The following AP2B1 variants were observed in gnomAD, a reference collection of about 807,000 sequenced individuals.
AP2B1 encodes the protein AP-2 complex subunit beta.
Under a neutral mutation model 102.0 loss-of-function variants are expected in AP2B1, and 23 were observed. The observed-to-expected ratio is 0.23, with a 90% CI of 0.16 to 0.32. The LOEUF is 0.32. Ranked by LOEUF, AP2B1 falls within the 10% of genes least tolerant of loss-of-function variation. AP2B1 has a pLI of 1.00. For missense variants in AP2B1, 541 were observed against 1,157.4 expected, an observed-to-expected ratio of 0.47 and a Z score of 7.73; for synonymous variants, 381 against 421.2, an observed-to-expected ratio of 0.90 and a Z score of 1.17.
intron 20 of AP2B1, among the ~76,000 whole-genome samples, chr17:35,714,225 A>T (rs1313643423): frequency 1.3e-5 from 2 of 152,174 alleles, no homozygotes; most frequent in Admixed American, 6.5e-5. Context: ...GGCTCTCCCC[A>T]TCCTTTGGAA....
chr17:35,611,207 A>G (rs1236987494), intron 5 of AP2B1, among the ~76,000 whole-genome samples: 2 of 152,200 alleles, frequency 1.3e-5, no homozygotes, highest in Non-Finnish European at 2.9e-5. Context: ...ATAATTCTCT[A>G]CCTGAGGACA....
chr17:35,608,481 G>A (rs2073758874), intron 5 of AP2B1, 94 bp downstream of exon 5: 1 of 1,425,500 alleles, frequency 7.0e-7, no homozygotes, highest in East Asian at 2.3e-5. Flanking sequence ...GGAATACTGG[G>A]TTATGGGGTA....
intron 20 of AP2B1, among the ~76,000 whole-genome samples, chr17:35,714,807 A>G (rs2076520180): frequency 6.6e-6 from 1 of 152,244 alleles, no homozygotes; most frequent in Non-Finnish European, 1.5e-5. Context: ...ATGCTTTGGG[A>G]TAAATCTCAG....
chr17:35,692,933 T>C (rs1272982395), intron 18 of AP2B1, among the ~76,000 whole-genome samples: 1 of 152,114 alleles, frequency 6.6e-6, no homozygotes. Flanking sequence ...CTACTCTAAA[T>C]GACCCATTCT....
chr17:35,651,478 CTT>C (rs2142833469), intron 13 of AP2B1, among the ~76,000 whole-genome samples: 1 of 152,240 alleles, frequency 6.6e-6, no homozygotes, highest in Admixed American at 6.5e-5. Context: ...ATCTCAGAAT[CTT>C]TTCAGAATCT....
chr17:35,693,134 C>T (rs1403838622), intron 18 of AP2B1, among the ~76,000 whole-genome samples: 2 of 152,150 alleles, frequency 1.3e-5, no homozygotes, highest in African/African-American at 2.4e-5. Flanking sequence ...CCTCCTCCCT[C>T]AGCCTCCTAA....
At chr17:35,696,262 C>T (rs923984274) in intron 18 of AP2B1, among the ~76,000 whole-genome samples, 1 of 151,952 alleles carries the variant, frequency 6.6e-6, no homozygotes, top group Non-Finnish European at 1.5e-5. Context: ...GTCTCCATAT[C>T]GTATAGCTTA....
intron 9 of AP2B1, among the ~76,000 whole-genome samples, chr17:35,634,807 G>A (rs893475046): frequency 1.3e-5 from 2 of 152,128 alleles, no homozygotes; most frequent in African/African-American, 2.4e-5. Context: ...AAAATTTGGC[G>A]ATTTCATTTC....
chr17:35,637,247 C>T (rs1324935034), intron 10 of AP2B1, among the ~76,000 whole-genome samples: 4 of 152,088 alleles, frequency 2.6e-5, no homozygotes, highest in Admixed American at 1.3e-4. Flanking sequence ...TGCAGTGGTG[C>T]GATCGCAGCT....
At chr17:35,680,613 C>A (rs587680470) in intron 17 of AP2B1, among the ~76,000 whole-genome samples, 1 of 152,020 alleles carries the variant, frequency 6.6e-6, no homozygotes, top group South Asian at 2.1e-4. Context: ...TCAAGTGATC[C>A]ACTCGCCTGG....
intron 17 of AP2B1, among the ~76,000 whole-genome samples, chr17:35,679,892 C>A (rs587733355): frequency 8.1e-4 from 122 of 151,334 alleles, no homozygotes; most frequent in African/African-American, 2.8e-3. Context: ...ATTTCTTTAG[C>A]CACTCTAACT....
At position 35,604,396 on chromosome 17, in the gene AP2B1, A is replaced by T. The variant is rs527908437; in HGVS notation, c.144-1309A>T. ...AGTGCTTGGATTACAGACGTGAGCCACTGGGCCTGGCTTTTTTGTTTTTGT... is the reference window on the plus strand; with the variant it reads ...AGTGCTTGGATTACAGACGTGAGCCTCTGGGCCTGGCTTTTTTGTTTTTGT... On this transcript the variant is annotated intron_variant, in intron 3 of 21. Coordinates refer to ENST00000610402, the MANE Select transcript of AP2B1 (RefSeq NM_001030006.2). Among the ~76,000 whole-genome samples, 4 of 152,138 alleles carry T rather than the reference A, an allele frequency of 2.6e-5. No homozygotes were observed. In the East Asian group the frequency reaches 7.7e-4, roughly 29 times the overall value.
chr17:35,694,089 T>TTAC (rs1467904054), intron 18 of AP2B1, among the ~76,000 whole-genome samples: 1 of 152,198 alleles, frequency 6.6e-6, no homozygotes, highest in East Asian at 1.9e-4. Context: ...TTGACACCAA[T>TTAC]TACTGCCTAT....
intron 13 of AP2B1, 53 bp downstream of exon 13, chr17:35,650,842 GT>G: frequency 6.3e-7 from 1 of 1,575,296 alleles, no homozygotes; most frequent in Non-Finnish European, 8.7e-7. Flanking sequence ...TTTAGACAGC[GT>G]TGCTCTTCTT....
chr17:35,711,591 C>T (rs2076450991), intron 20 of AP2B1, among the ~76,000 whole-genome samples: 1 of 152,134 alleles, frequency 6.6e-6, no homozygotes, highest in Non-Finnish European at 1.5e-5. Context: ...GCCTCAGCCT[C>T]CAGAGTAGCT....
intron 18 of AP2B1, among the ~76,000 whole-genome samples, chr17:35,708,867 A>AT (rs1415720872): frequency 6.6e-4 from 100 of 152,316 alleles, no homozygotes; most frequent in Non-Finnish European, 2.1e-4. Flanking sequence ...GTTTGAGATC[A>AT]TTATAGTGTG....
intron 9 of AP2B1, among the ~76,000 whole-genome samples, chr17:35,630,073 C>T (rs1402753733): frequency 6.6e-6 from 1 of 152,162 alleles, no homozygotes; most frequent in African/African-American, 2.4e-5. Flanking sequence ...TACAGTATGA[C>T]CAGTACTTTA....
chr17:35,679,140 T>C (rs1379856188), intron 17 of AP2B1, among the ~76,000 whole-genome samples: 1 of 152,236 alleles, frequency 6.6e-6, no homozygotes, highest in Non-Finnish European at 1.5e-5. Context: ...AGTAGACTTC[T>C]ATAGAAAAGG....
rs569866907 is a variant in AP2B1, at chr17:35,678,816, C to CT, written c.2325-3871dup. 9.9e-5 allele frequency among the ~76,000 whole-genome samples: 15 copies of CT among 152,068 alleles called. 1 individual carries two copies. Among genetic ancestry groups the CT allele is most frequent in the South Asian group, 6.2e-4 (3 of 4,812 alleles). On this transcript the variant is annotated intron_variant, in intron 17 of 21. Transcript: ENST00000610402. Reference sequence around the variant, plus strand: ...TACTCTTCATTTCTGATATGATTTACTTTTTTTTATTATTTCTTTCCTGAG... The same window carrying CT: ...TACTCTTCATTTCTGATATGATTTACTTTTTTTTTATTATTTCTTTCCTGAG...
Sources: gnomAD v4.1 joint callset for allele counts (sites outside exome capture counted in the v4.1 genomes callset) on GRCh38, gnomAD v4.1.1 for gene constraint, MANE v1.5 for transcripts, NCBI Gene and HGNC (gene_info 2026-07-23, HGNC 2026-07-21) for gene names.